KCNN3: variants seen among roughly 807,000 people sequenced by gnomAD.
KCNN3 encodes small conductance calcium-activated potassium channel protein 3.
Under a neutral mutation model 62.9 loss-of-function variants are expected in KCNN3, and 16 were observed. The observed-to-expected ratio is 0.25, with a 90% CI of 0.17 to 0.39. The LOEUF (loss-of-function observed/expected upper bound fraction) is 0.39. KCNN3 is among the 10% of genes least tolerant of loss of function. KCNN3 has a pLI of 1.00. For missense variants in KCNN3, 599 were observed against 949.4 expected, an observed-to-expected ratio of 0.63 and a Z score of 4.85; for synonymous variants, 370 against 389.2, an observed-to-expected ratio of 0.95 and a Z score of 0.58.
At chr1:154,826,933 C>T (rs1651157924) in intron 1 of KCNN3, among the ~76,000 whole-genome samples, 1 of 152,208 alleles carries the variant, frequency 6.6e-6, no homozygotes. Context: ...CTTCCCCAAC[C>T]AAGCTGTTAC....
intron 3 of KCNN3, among the ~76,000 whole-genome samples, chr1:154,751,988 C>T (rs566123826): frequency 6.6e-6 from 1 of 152,290 alleles, no homozygotes; most frequent in South Asian, 2.1e-4. Context: ...AGAAAGCAAA[C>T]AGATGGGGAG....
chr1:154,853,106 C>A lies in KCNN3; in HGVS notation c.933+15926G>T, dbSNP rs141044852. Among the ~76,000 whole-genome samples, 837 of 152,228 alleles carry A rather than the reference C, an allele frequency of 5.5e-3. 15 individuals carry two copies. Among genetic ancestry groups the A allele is most frequent in the African/African-American group, 0.02 (810 of 41,502 alleles). ...CTGGGCTTACGGGATCTTCCCACCC[C>A]AGCCACCCAAGTAGCTAGGACTACA... On this transcript the variant is annotated intron_variant, in intron 1 of 7. Coordinates refer to ENST00000271915, the MANE Select transcript of KCNN3 (RefSeq NM_002249.6).
At chr1:154,746,975 C>T (rs1242096771) in intron 3 of KCNN3, among the ~76,000 whole-genome samples, 1 of 152,150 alleles carries the variant, frequency 6.6e-6, no homozygotes, top group African/African-American at 2.4e-5. Flanking sequence ...CTAAGCTCAA[C>T]CGATCCCCAA....
chr1:154,798,912 T>C (rs924764591), intron 2 of KCNN3, among the ~76,000 whole-genome samples: 12 of 118,386 alleles, frequency 1.0e-4, no homozygotes, highest in Non-Finnish European at 2.0e-4. Context: ...CTGACACTTA[T>C]TGCATTTTTT....
At position 154,826,308 on chromosome 1, in the gene KCNN3, G is replaced by A. The variant is rs150264694; in HGVS notation, c.934-4124C>T. On this transcript the variant is annotated intron_variant, in intron 1 of 7. Coordinates refer to ENST00000271915, the MANE Select transcript of KCNN3 (RefSeq NM_002249.6). Reference sequence around the variant, plus strand: ...TGGTCCCTGTTCTGCTCCAGGCCACGAGCCAGCCCTTCACAGATCTGTGAT... The same window carrying A: ...TGGTCCCTGTTCTGCTCCAGGCCACAAGCCAGCCCTTCACAGATCTGTGAT... 3.1e-3 allele frequency among the ~76,000 whole-genome samples: 467 copies of A among 152,216 alleles called. 4 individuals carry two copies. The highest frequency in any genetic ancestry group is 0.011 in the African/African-American group (454 of 41,532).
rs1652811985 is a variant in KCNN3 at position 154,862,677 on chromosome 1, C to T, written c.933+6355G>A. Among the ~76,000 whole-genome samples, 1 of 152,092 alleles carries T rather than the reference C, an allele frequency of 6.6e-6. No homozygotes were observed. Among genetic ancestry groups the T allele is most frequent in the Non-Finnish European group, 1.5e-5 (1 of 67,996 alleles). On this transcript the variant is annotated intron_variant, in intron 1 of 7. Coordinates refer to ENST00000271915, the MANE Select transcript of KCNN3 (RefSeq NM_002249.6). This position sits in a 1 kb window ranked among gnomAD's most constrained non-coding sequence, Gnocchi z 4.1. ...ATCAAGAACTGACCTTGGGCCAGTCCACAATCTCACCCTGATCCCAGGCCA... is the reference window on the plus strand; with the variant it reads ...ATCAAGAACTGACCTTGGGCCAGTCTACAATCTCACCCTGATCCCAGGCCA...
intron 2 of KCNN3, among the ~76,000 whole-genome samples, chr1:154,806,453 A>T (rs1650176721): frequency 6.6e-6 from 1 of 152,166 alleles, no homozygotes; most frequent in Admixed American, 6.5e-5. Context: ...CAGCATTATG[A>T]CCTGTTTATA....
chr1:154,858,736 CTT>C (rs66459758), intron 1 of KCNN3, among the ~76,000 whole-genome samples: 140 of 141,656 alleles, frequency 9.9e-4, no homozygotes, highest in Middle Eastern at 3.6e-3. Flanking sequence ...AGTCATGTAA[CTT>C]TTTTTTTTTT....
At chr1:154,799,749 G>A (rs895849304) in intron 2 of KCNN3, among the ~76,000 whole-genome samples, 7 of 152,224 alleles carry the variant, frequency 4.6e-5, no homozygotes, top group African/African-American at 1.2e-4. Context: ...CCAGCTGATC[G>A]TGGTCTGGAG....
Position 154,825,201 on chromosome 1 carries a change from C to T in KCNN3, c.934-3017G>A, listed in dbSNP as rs376198351. Among the ~76,000 whole-genome samples the T allele has an allele frequency of 6.6e-5, 10 of 152,274 alleles. 2 individuals are homozygous for T. Among genetic ancestry groups the T allele is most frequent in the Admixed American group, 6.5e-5 (1 of 15,298 alleles). On this transcript the variant is annotated intron_variant, in intron 1 of 7. Coordinates refer to ENST00000271915, the MANE Select transcript of KCNN3 (RefSeq NM_002249.6). ...GGGTACCTGCCACACGCATTGCCCC[C>T]ACTCACTCCTATCTGAGGACCAATA...
At chr1:154,820,061 C>A (rs982352509) in intron 2 of KCNN3, among the ~76,000 whole-genome samples, 2 of 152,222 alleles carry the variant, frequency 1.3e-5, no homozygotes, top group African/African-American at 4.8e-5. Context: ...ATGAATGACC[C>A]CCAATAGCAT....
At chr1:154,867,429 C>A (rs1251513826) in intron 1 of KCNN3, among the ~76,000 whole-genome samples, 2 of 152,184 alleles carry the variant, frequency 1.3e-5, no homozygotes, top group South Asian at 2.1e-4. Context: ...ACTGAGAGAG[C>A]AGCCGGGTTG....
intron 1 of KCNN3, among the ~76,000 whole-genome samples, 180 bp downstream of exon 1, chr1:154,868,852 T>TCAC (rs1391057421): frequency 2.6e-5 from 4 of 151,698 alleles, no homozygotes; most frequent in East Asian, 3.9e-4. Flanking sequence ...CAAGCGCCTC[T>TCAC]CACCACCACC....
intron 2 of KCNN3, among the ~76,000 whole-genome samples, chr1:154,811,407 C>A (rs1650403165): frequency 6.6e-6 from 1 of 152,020 alleles, no homozygotes. Context: ...GTCACTGAAC[C>A]ATATACTTAA....
rs1000591785 is a variant in KCNN3, at chr1:154,772,827, G to A, written c.1030-434C>T. Among the ~76,000 whole-genome samples the A allele has an allele frequency of 2.0e-5, 3 of 152,106 alleles. No individual in the cohort carries two copies. The highest frequency in any genetic ancestry group is 7.2e-5 in the African/African-American group (3 of 41,434). ...GGATCCAGGGTGGCCTCAGGATGGC[G>A]CTGGTTGCCAGGGGAACCAATCTGG... On this transcript the variant is annotated intron_variant, in intron 2 of 7. Coordinates refer to ENST00000271915, the MANE Select transcript of KCNN3 (RefSeq NM_002249.6). The surrounding 1 kb of genome is among the most constrained non-coding windows in gnomAD (Gnocchi z 5.6).
chr1:154,787,423 A>G (rs1649328813), intron 2 of KCNN3, among the ~76,000 whole-genome samples: 2 of 152,242 alleles, frequency 1.3e-5, no homozygotes, highest in South Asian at 4.1e-4. Context: ...ATCTGGCCTC[A>G]GCGTGCCAGG....
At chr1:154,823,159 A>T (rs111458102) in intron 1 of KCNN3, among the ~76,000 whole-genome samples, 194 of 152,338 alleles carry the variant, frequency 1.3e-3, no homozygotes, top group African/African-American at 4.4e-3. Flanking sequence ...CATCCTCTAC[A>T]AATCAGGGTG....
Position 154,869,935 on chromosome 1 carries a change from C to G in KCNN3, c.30G>C (p.Ser10=). 1 of 1,611,036 alleles carries G rather than the reference C, an allele frequency of 6.2e-7. No individual in the cohort carries two copies. Among genetic ancestry groups the G allele is most frequent in the East Asian group, 2.2e-5 (1 of 44,800 alleles). ...GGTCTTCATCCAAGTCCCCCACCCCCGAGTCATGGAAGTGCCCAGAAGTGT... is the reference window on the plus strand; with the variant it reads ...GGTCTTCATCCAAGTCCCCCACCCCGGAGTCATGGAAGTGCCCAGAAGTGT... The part of the protein sequence containing the change: MDTSGHFHD[S]GVGDLDEDPK... The change falls in exon 1 of 8, where the codon TCG becomes TCC. Residue 10 remains serine (S), a synonymous_variant. Transcript: ENST00000271915. The surrounding 1 kb of genome is among the most constrained non-coding windows in gnomAD (Gnocchi z 6.1).
intron 1 of KCNN3, among the ~76,000 whole-genome samples, chr1:154,840,286 A>G (rs1169381751): frequency 6.6e-6 from 1 of 152,210 alleles, no homozygotes. Flanking sequence ...CTATTAAAAG[A>G]TCCACTGTGT....
Sources: allele counts gnomAD v4.1 joint callset (sites outside exome capture counted in the v4.1 genomes callset), GRCh38; gene constraint gnomAD v4.1.1; non-coding constraint Gnocchi (gnomAD v3.1); transcripts MANE v1.5; gene names NCBI Gene and HGNC (gene_info 2026-07-23, HGNC 2026-07-21).